ROBO1: variants seen among roughly 807,000 people sequenced by gnomAD.
ROBO1 encodes roundabout homolog 1.
In ROBO1, 149 loss-of-function variants were observed where a neutral mutation model predicts 195.9. That is an observed-to-expected ratio of 0.76 (90% confidence interval 0.67 to 0.87). The LOEUF (loss-of-function observed/expected upper bound fraction) is 0.87. Among genes scored for constraint, ROBO1 ranks in the 40% least tolerant of loss-of-function variants. The pLI, the probability that ROBO1 is intolerant of heterozygous loss-of-function variation, is 0.00. For synonymous variants in ROBO1, 816 were observed against 733.2 expected, an observed-to-expected ratio of 1.11 and a Z score of -1.82; for missense variants, 1,933 against 2,068.3, an observed-to-expected ratio of 0.93 and a Z score of 1.27.
intron 4 of ROBO1, among the ~76,000 whole-genome samples, chr3:78,879,459 A>T (rs900566050): frequency 6.6e-6 from 1 of 152,126 alleles, no homozygotes; most frequent in Admixed American, 6.6e-5. Context: ...AAATATAAGC[A>T]AAACTGAAGT....
intron 11 of ROBO1, among the ~76,000 whole-genome samples, chr3:78,669,527 A>G (rs956285571): frequency 6.6e-6 from 1 of 152,254 alleles, no homozygotes; most frequent in African/African-American, 2.4e-5. Flanking sequence ...AAGTCCTGAA[A>G]GAGCAGGCAT....
At chr3:79,433,555 C>T (rs908772369) in intron 2 of ROBO1, among the ~76,000 whole-genome samples, 1 of 151,974 alleles carries the variant, frequency 6.6e-6, no homozygotes, top group African/African-American at 2.4e-5. Context: ...CACCACCAGA[C>T]CCACCTAATT....
intron 2 of ROBO1, among the ~76,000 whole-genome samples, chr3:79,580,735 T>C (rs1255425217): frequency 3.3e-5 from 5 of 152,156 alleles, no homozygotes; most frequent in African/African-American, 1.2e-4. Context: ...TTTACGTAAG[T>C]ATGTGTCACT....
At chr3:79,193,068 T>C (rs1476421528) in intron 2 of ROBO1, among the ~76,000 whole-genome samples, 1 of 151,646 alleles carries the variant, frequency 6.6e-6, no homozygotes, top group Non-Finnish European at 1.5e-5. Context: ...TTGGTCGCCA[T>C]AGGTGACATT....
At chr3:79,306,827 G>C (rs1231392185) in intron 2 of ROBO1, among the ~76,000 whole-genome samples, 2 of 150,614 alleles carry the variant, frequency 1.3e-5, no homozygotes. Context: ...TTTAAATTTT[G>C]AATTACTTAT....
intron 4 of ROBO1, among the ~76,000 whole-genome samples, chr3:78,810,524 T>C (rs1328510742): frequency 1.3e-5 from 2 of 152,180 alleles, no homozygotes; most frequent in African/African-American, 4.8e-5. Context: ...AGTATATTAT[T>C]GGTAGGTAAA....
chr3:79,036,672 A>ACTCTT (rs2078385819), intron 3 of ROBO1, among the ~76,000 whole-genome samples: 1 of 152,102 alleles, frequency 6.6e-6, no homozygotes, highest in East Asian at 1.9e-4. Context: ...AAAAAAAGAG[A>ACTCTT]TATTGACTGG....
intron 4 of ROBO1, among the ~76,000 whole-genome samples, chr3:78,817,422 CA>C (rs137924661): frequency 2.0e-5 from 3 of 150,660 alleles, no homozygotes; most frequent in Admixed American, 1.3e-4. Context: ...CACTGGAATA[CA>C]AAAAAAAATT....
chr3:78,775,317 G>T (rs1437700627), intron 4 of ROBO1, among the ~76,000 whole-genome samples: 1 of 152,130 alleles, frequency 6.6e-6, no homozygotes, highest in Admixed American at 6.5e-5. Context: ...AGGTACAGAC[G>T]TTCATTTCCA....
At chr3:79,277,790 T>TA (rs141168797) in intron 2 of ROBO1, among the ~76,000 whole-genome samples, 26,227 of 149,278 alleles carry the variant, frequency 0.18, 2,461 homozygotes, top group African/African-American at 0.24. Context: ...ACATTAAAAA[T>TA]AAAAAAAAAC....
At chr3:78,630,782 T>A (rs528927646) in intron 25 of ROBO1, among the ~76,000 whole-genome samples, 2 of 152,340 alleles carry the variant, frequency 1.3e-5, no homozygotes, top group African/African-American at 4.8e-5. Flanking sequence ...CAGGATCCCA[T>A]CGTTGTGGTA....
At chr3:79,669,320 G>A (rs1946564909) in intron 1 of ROBO1, among the ~76,000 whole-genome samples, 1 of 151,778 alleles carries the variant, frequency 6.6e-6, no homozygotes, top group Non-Finnish European at 1.5e-5. Flanking sequence ...CCAGCCATGT[G>A]GAACTGTAAG....
chr3:79,204,254 A>G (rs2081823198), intron 2 of ROBO1, among the ~76,000 whole-genome samples: 1 of 152,118 alleles, frequency 6.6e-6, no homozygotes, highest in African/African-American at 2.4e-5. Flanking sequence ...ATTTTGAAAT[A>G]TCTTATAAGT....
intron 2 of ROBO1, among the ~76,000 whole-genome samples, chr3:79,173,412 C>T (rs984026577): frequency 1.3e-4 from 19 of 151,634 alleles, no homozygotes; most frequent in Admixed American, 3.9e-4. Flanking sequence ...GGTGTGGGCT[C>T]GGCGGGCCCG....
At chr3:79,709,725 T>C (rs188324597) in intron 1 of ROBO1, among the ~76,000 whole-genome samples, 19 of 152,194 alleles carry the variant, frequency 1.2e-4, no homozygotes, top group Non-Finnish European at 2.2e-4. Flanking sequence ...AATTCAAATG[T>C]TGAAACCGAA....
At chr3:78,638,449 GATTATT>G (rs769224974) in intron 22 of ROBO1, among the ~76,000 whole-genome samples, 17 of 151,256 alleles carry the variant, frequency 1.1e-4, no homozygotes, top group Non-Finnish European at 2.5e-4. Flanking sequence ...TACTGTTGTA[GATTATT>G]ATTATTTTTG....
At chr3:79,283,822 C>G (rs919983075) in intron 2 of ROBO1, among the ~76,000 whole-genome samples, 3 of 151,422 alleles carry the variant, frequency 2.0e-5, no homozygotes, top group Admixed American at 6.6e-5. Flanking sequence ...CTCAGCCTCC[C>G]GAGTAGCTGG....
At chr3:79,090,441 C>T (rs1269572305) in intron 3 of ROBO1, among the ~76,000 whole-genome samples, 1 of 151,684 alleles carries the variant, frequency 6.6e-6, no homozygotes, top group Non-Finnish European at 1.5e-5. Context: ...CCCTCCTCTT[C>T]CATTCCCTCC....
chr3:79,022,615 T>C (rs1047436636), intron 3 of ROBO1, among the ~76,000 whole-genome samples: 1 of 152,222 alleles, frequency 6.6e-6, no homozygotes, highest in Non-Finnish European at 1.5e-5. Flanking sequence ...CAGGGAACTC[T>C]GACATGTACA....
Sources: gnomAD v4.1 joint callset for allele counts (sites outside exome capture counted in the v4.1 genomes callset) on GRCh38, gnomAD v4.1.1 for gene constraint, MANE v1.5 for transcripts, NCBI Gene and HGNC (gene_info 2026-07-23, HGNC 2026-07-21) for gene names.